Variants in CNN3 observed in about 807,000 individuals in gnomAD.
The protein encoded by CNN3 is calponin 3.
Under a neutral mutation model 39.0 loss-of-function variants are expected in CNN3, and 11 were observed. That is an observed-to-expected ratio of 0.28 (90% CI 0.18 to 0.47). The LOEUF is 0.47. CNN3 is among the 20% of genes least tolerant of loss of function. The pLI, the probability that CNN3 is intolerant of heterozygous loss-of-function variation, is 0.99. For missense variants in CNN3, 266 were observed against 403.4 expected (o/e 0.66, Z 2.92); for synonymous variants, 101 against 138.3 (o/e 0.73, Z 1.89).
chr1:94,921,380 G>C (rs1259742320), intron 1 of CNN3, among the ~76,000 whole-genome samples: 1 of 152,074 alleles, frequency 6.6e-6, no homozygotes, highest in Non-Finnish European at 1.5e-5. Flanking sequence ...GGGCAACAGA[G>C]GGAGACTCCA....
chr1:94,909,716 T>G (rs1671107147), intron 1 of CNN3, among the ~76,000 whole-genome samples: 1 of 151,982 alleles, frequency 6.6e-6, no homozygotes, highest in African/African-American at 2.4e-5. Flanking sequence ...TTTGAGAAGC[T>G]TCCCCCTAAG....
In CNN3 at chr1:94,925,659, C is replaced by T. The variant is rs531388553; in HGVS notation, c.57+1179G>A. The T allele has an allele frequency of 6.1e-6, 6 of 985,496 alleles. No homozygotes were observed. In the East Asian group the frequency reaches 6.8e-4, roughly 112 times the overall value. 61.0% of individuals were successfully genotyped at this position (985,496 alleles called of 1,614,324 possible). A position where few individuals can be genotyped will look rare whatever the true frequency, so the allele number is the denominator to read the frequency against. On this transcript the variant is annotated intron_variant, in intron 1 of 6. Coordinates refer to ENST00000370206, the MANE Select transcript of CNN3 (RefSeq NM_001839.5). ...TCTTTACATAATTCGCTTCACACCG[C>T]CTACCCCCGCAGCCCCGGGATGTTC...
At chr1:94,906,112 A>G (rs1380391289) in intron 1 of CNN3, among the ~76,000 whole-genome samples, 2 of 151,918 alleles carry the variant, frequency 1.3e-5, no homozygotes, top group Non-Finnish European at 2.9e-5. Context: ...CCTCCCGAAT[A>G]GCTAGGATTA....
At chr1:94,919,138 A>G (rs1226914102) in intron 1 of CNN3, among the ~76,000 whole-genome samples, 1 of 152,162 alleles carries the variant, frequency 6.6e-6, no homozygotes, top group Non-Finnish European at 1.5e-5. Context: ...GTAAGCAAGG[A>G]GAGGTAGGGA....
intron 1 of CNN3, chr1:94,925,864 T>G (rs538489919): frequency 1.0e-6 from 1 of 975,188 alleles, no homozygotes; most frequent in African/African-American, 1.8e-5. Context: ...CCGCGCCGAT[T>G]GGCTGGTCTC....
At chr1:94,918,373 A>G (rs1433582346) in intron 1 of CNN3, among the ~76,000 whole-genome samples, 1 of 151,920 alleles carries the variant, frequency 6.6e-6, no homozygotes, top group Non-Finnish European at 1.5e-5. Flanking sequence ...ATAGGCCTGT[A>G]GTCCCAGCTA....
chr1:94,916,259 A>C (rs142217400), intron 1 of CNN3, among the ~76,000 whole-genome samples: 3,222 of 152,264 alleles, frequency 0.021, 58 homozygotes, highest in Non-Finnish European at 0.032. Context: ...ACAAAAAATT[A>C]GCCAGGCATG....
At position 94,926,912 on chromosome 1, in the gene CNN3, GA is replaced by G. The variant is rs750576547; in HGVS notation, c.-19del. 2.5e-6 allele frequency: 4 copies of G among 1,606,970 alleles called. No individual in the cohort carries two copies. The highest frequency in any genetic ancestry group is 3.4e-6 in the Non-Finnish European group (4 of 1,176,336). ...TGGGTCATGGTGGTTCGGGCGGCGG[GA>G]AGAGACAGCGCTGGGGTCCGGGGTC... On this transcript the variant is annotated 5_prime_UTR_variant, in exon 1 of 7. Coordinates refer to ENST00000370206, the MANE Select transcript of CNN3 (RefSeq NM_001839.5). The surrounding 1 kb of genome is among the most constrained non-coding windows in gnomAD (Gnocchi z 4.2).
chr1:94,898,322 T>C (rs1315686020), intron 6 of CNN3, among the ~76,000 whole-genome samples: 1 of 152,168 alleles, frequency 6.6e-6, no homozygotes, highest in Non-Finnish European at 1.5e-5. Flanking sequence ...TGCTATAAAA[T>C]TACTATGTGG....
At chr1:94,905,796 T>C (rs1467267906) in intron 1 of CNN3, among the ~76,000 whole-genome samples, 1 of 152,140 alleles carries the variant, frequency 6.6e-6, no homozygotes, top group African/African-American at 2.4e-5. Context: ...CCTGGTCTCA[T>C]GCAATCCTCC....
rs760883230 is a variant in CNN3 at position 94,901,709 on chromosome 1, T to A, written c.461A>T (p.Glu154Val). The A allele has an allele frequency of 1.2e-6, 2 of 1,614,108 alleles. No homozygotes were observed. Among genetic ancestry groups the A allele is most frequent in the South Asian group, 2.2e-5 (2 of 91,080 alleles). Residue 154 changes from glutamate (E) to valine (V), a missense_variant, in exon 5 of 7, where the codon GAA (glutamate) becomes GTA (valine). Glu to Val is a moderately radical substitution (Grantham distance 121). Coordinates refer to ENST00000370206, the MANE Select transcript of CNN3 (RefSeq NM_001839.5). ...ACTTTGGCCAGCTTTTAATTTTCCTTCATCAAAACGTCTTGTTTGTTTTTC... is the reference window on the plus strand; with the variant it reads ...ACTTTGGCCAGCTTTTAATTTTCCTACATCAAAACGTCTTGTTTGTTTTTC... ...YAEKQTRRFDEGKLKAGQSVI... is the reference protein window; with the variant it reads ...YAEKQTRRFDVGKLKAGQSVI...
chr1:94,914,938 C>CA (rs1342220766), intron 1 of CNN3, among the ~76,000 whole-genome samples: 1 of 151,718 alleles, frequency 6.6e-6, no homozygotes, highest in Non-Finnish European at 1.5e-5. Context: ...GGCTGGAGTG[C>CA]AGTGGCATGA....
chr1:94,904,101 T>C (rs1297900781), intron 1 of CNN3, among the ~76,000 whole-genome samples: 1 of 152,220 alleles, frequency 6.6e-6, no homozygotes. Flanking sequence ...GTAGTCTCTA[T>C]CCTATTAGAC....
At chr1:94,913,603 G>A (rs2101732225) in intron 1 of CNN3, among the ~76,000 whole-genome samples, 1 of 152,338 alleles carries the variant, frequency 6.6e-6, no homozygotes, top group East Asian at 1.9e-4. Context: ...TCAGTTTCTA[G>A]AAGGAGTAAA....
chr1:94,898,328 T>C (rs972275138), intron 6 of CNN3, among the ~76,000 whole-genome samples: 29 of 152,188 alleles, frequency 1.9e-4, no homozygotes, highest in Non-Finnish European at 3.4e-4. Flanking sequence ...AAAATTACTA[T>C]GTGGCCTCAA....
intron 1 of CNN3, chr1:94,925,670 A>T: frequency 1.0e-6 from 1 of 985,478 alleles, no homozygotes; most frequent in Non-Finnish European, 1.2e-6. Context: ...CTACCCCCGC[A>T]GCCCCGGGAT....
chr1:94,915,151 C>A (rs1395580232), intron 1 of CNN3, among the ~76,000 whole-genome samples: 1 of 152,154 alleles, frequency 6.6e-6, no homozygotes, highest in Non-Finnish European at 1.5e-5. Flanking sequence ...AAATACCATA[C>A]AAAGGTATTT....
Position 94,897,877 on chromosome 1 carries a change from G to T in CNN3, c.855C>A (p.Ser285Arg). ...CCGAACCATTTGTTCCTGTTCCTTG[G>T]CTTCCGTTGTGAATGACAGGTTCTG... The part of the protein sequence containing the change: ...APTEPVIHNG[S>R]QGTGTNGSEI... Residue 285 changes from serine to arginine, a missense_variant, in exon 7 of 7, where the codon AGC (serine) becomes AGA (arginine). Physicochemically the swap from Ser to Arg is moderately radical, Grantham distance 110. Transcript: ENST00000370206. 6.2e-7 allele frequency: 1 copy of T among 1,614,058 alleles called. No individual in the cohort carries two copies. The highest frequency in any genetic ancestry group is 8.5e-7 in the Non-Finnish European group (1 of 1,180,006).
At chr1:94,919,774 G>A (rs868225997) in intron 1 of CNN3, among the ~76,000 whole-genome samples, 2 of 151,874 alleles carry the variant, frequency 1.3e-5, no homozygotes, top group African/African-American at 4.8e-5. Context: ...AGCACAAAAG[G>A]CCTCCTCTTT....
Sources: gnomAD v4.1 joint callset for allele counts (sites outside exome capture counted in the v4.1 genomes callset) on GRCh38, gnomAD v4.1.1 for gene constraint, Gnocchi (gnomAD v3.1) non-coding constraint, MANE v1.5 for transcripts, NCBI Gene and HGNC (gene_info 2026-07-23, HGNC 2026-07-21) for gene names.